SDC2: variants seen among roughly 807,000 people sequenced by gnomAD.
SDC2 encodes the protein syndecan-2.
A neutral mutation model predicts 22.2 loss-of-function variants in SDC2; 13 were observed. The observed-to-expected ratio is 0.59, with a 90% confidence interval of 0.38 to 0.93. The LOEUF is 0.93. SDC2 is among the 40% of genes least tolerant of loss of function. The pLI, the probability that SDC2 is intolerant of heterozygous loss-of-function variation, is 0.00. For missense variants in SDC2, 235 were observed against 246.8 expected (o/e 0.95, Z 0.32); for synonymous variants, 94 against 92.8 (o/e 1.01, Z -0.07).
At chr8:96,584,156 C>T (rs543472073) in intron 1 of SDC2, among the ~76,000 whole-genome samples, 4 of 152,344 alleles carry the variant, frequency 2.6e-5, no homozygotes, top group South Asian at 4.1e-4. Context: ...TTCCTATTGA[C>T]ATTCAGACTC....
At chr8:96,577,108 C>G (rs1300286907) in intron 1 of SDC2, among the ~76,000 whole-genome samples, 1 of 152,128 alleles carries the variant, frequency 6.6e-6, no homozygotes, top group African/African-American at 2.4e-5. Flanking sequence ...TGCTTTCTTG[C>G]TTGATGGAAC....
At chr8:96,536,352 G>T (rs1222398667) in intron 1 of SDC2, among the ~76,000 whole-genome samples, 2 of 151,960 alleles carry the variant, frequency 1.3e-5, no homozygotes, top group East Asian at 1.9e-4. Context: ...ACAGGGTCTT[G>T]CTCTGTTGCC....
At chr8:96,534,962 A>T (rs1813729057) in intron 1 of SDC2, among the ~76,000 whole-genome samples, 1 of 151,806 alleles carries the variant, frequency 6.6e-6, no homozygotes, top group African/African-American at 2.4e-5. Context: ...TAGATAAAAT[A>T]TTGGGCACCC....
At chr8:96,569,778 T>C (rs1814359975) in intron 1 of SDC2, among the ~76,000 whole-genome samples, 1 of 152,172 alleles carries the variant, frequency 6.6e-6, no homozygotes, top group Non-Finnish European at 1.5e-5. Context: ...TTGGGTGTCT[T>C]CTCAAAGGTC....
intron 1 of SDC2, among the ~76,000 whole-genome samples, chr8:96,571,946 G>A (rs1202563934): frequency 6.6e-6 from 1 of 152,156 alleles, no homozygotes; most frequent in Non-Finnish European, 1.5e-5. Flanking sequence ...TTCTGGAAAG[G>A]TCTTGGCTCA....
chr8:96,532,665 C>A (rs1379827775), intron 1 of SDC2, among the ~76,000 whole-genome samples: 1 of 151,824 alleles, frequency 6.6e-6, no homozygotes, highest in Non-Finnish European at 1.5e-5. Flanking sequence ...CCCATCCCCC[C>A]AAAAAAACAC....
chr8:96,561,164 G>A (rs1317595141), intron 1 of SDC2, among the ~76,000 whole-genome samples: 2 of 152,176 alleles, frequency 1.3e-5, no homozygotes, highest in African/African-American at 4.8e-5. Flanking sequence ...CTTCAAAGCC[G>A]GGCCAAGTGA....
chr8:96,561,947 G>T (rs567371084), intron 1 of SDC2, among the ~76,000 whole-genome samples: 1 of 152,262 alleles, frequency 6.6e-6, no homozygotes, highest in African/African-American at 2.4e-5. Flanking sequence ...TCTGTGACTT[G>T]TCTTCTCATC....
At chr8:96,609,257 CT>C (rs199695115) in intron 4 of SDC2, 127 bp from the exon 5 acceptor site, 823 of 691,986 alleles carry the variant, frequency 1.2e-3, no homozygotes, top group Non-Finnish European at 1.5e-3. Context: ...TTGAATCCAG[CT>C]TTTTTTTTAT....
At chr8:96,525,879 G>T (rs1448489109) in intron 1 of SDC2, among the ~76,000 whole-genome samples, 1 of 152,052 alleles carries the variant, frequency 6.6e-6, no homozygotes, top group South Asian at 2.1e-4. Context: ...TCCGGAAAAG[G>T]GTCTGGGACG....
chr8:96,549,533 T>G (rs888333008), intron 1 of SDC2, among the ~76,000 whole-genome samples: 1 of 152,178 alleles, frequency 6.6e-6, no homozygotes, highest in Non-Finnish European at 1.5e-5. Context: ...TAGAACCAAT[T>G]TGGCCCCTAA....
At chr8:96,540,995 T>C (rs1813839774) in intron 1 of SDC2, among the ~76,000 whole-genome samples, 1 of 152,246 alleles carries the variant, frequency 6.6e-6, no homozygotes. Flanking sequence ...CTAAGAGATT[T>C]GAAATTCTGT....
chr8:96,534,206 G>C (rs531453250), intron 1 of SDC2, among the ~76,000 whole-genome samples: 15 of 152,310 alleles, frequency 9.8e-5, no homozygotes, highest in Non-Finnish European at 1.8e-4. Flanking sequence ...ACACCTCCCT[G>C]CAAGCTGAGG....
At chr8:96,525,880 G>T (rs1220439521) in intron 1 of SDC2, among the ~76,000 whole-genome samples, 1 of 152,122 alleles carries the variant, frequency 6.6e-6, no homozygotes, top group Non-Finnish European at 1.5e-5. Context: ...CCGGAAAAGG[G>T]TCTGGGACGA....
At chr8:96,588,838 G>A (rs1410348051) in intron 1 of SDC2, among the ~76,000 whole-genome samples, 1 of 152,236 alleles carries the variant, frequency 6.6e-6, no homozygotes, top group Admixed American at 6.5e-5. Flanking sequence ...CTGCTTAGTA[G>A]GTAAGGCGTT....
chr8:96,525,920 G>A (rs1174776611), intron 1 of SDC2, among the ~76,000 whole-genome samples: 1 of 152,158 alleles, frequency 6.6e-6, no homozygotes, highest in East Asian at 1.9e-4. Context: ...TCCACACATT[G>A]TCAGGGTGGG....
At chr8:96,607,156 G>A (rs753972683) in intron 3 of SDC2, among the ~76,000 whole-genome samples, 3 of 121,792 alleles carry the variant, frequency 2.5e-5, no homozygotes, top group African/African-American at 3.1e-5. Flanking sequence ...ATTGGGGACC[G>A]CTAAACTACA....
At chr8:96,600,800 G>A (rs1466118983) in intron 2 of SDC2, among the ~76,000 whole-genome samples, 3 of 152,238 alleles carry the variant, frequency 2.0e-5, no homozygotes, top group African/African-American at 7.2e-5. Flanking sequence ...GACATGTTCA[G>A]AGGTGTGTTG....
intron 1 of SDC2, among the ~76,000 whole-genome samples, chr8:96,548,992 ATGT>A (rs1417916470): frequency 2.6e-5 from 4 of 152,158 alleles, no homozygotes; most frequent in Non-Finnish European, 5.9e-5. Context: ...TTGCAGCATA[ATGT>A]TGTGTTGTGG....
Sources: allele counts gnomAD v4.1 joint callset (sites outside exome capture counted in the v4.1 genomes callset), GRCh38; gene constraint gnomAD v4.1.1; transcripts MANE v1.5; gene names NCBI Gene and HGNC (gene_info 2026-07-23, HGNC 2026-07-21).